AGAP1: variants seen among roughly 807,000 people sequenced by gnomAD.
AGAP1 encodes arf-GAP with GTPase, ANK repeat and PH domain-containing protein 1.
A neutral mutation model predicts 105.3 loss-of-function variants in AGAP1; 29 were observed. The observed-to-expected ratio is 0.28, with a 90% CI of 0.21 to 0.38. The LOEUF is 0.38. Among genes scored for constraint, AGAP1 ranks in the 10% least tolerant of loss-of-function variants. The pLI, the probability that AGAP1 is intolerant of heterozygous loss-of-function variation, is 1.00. For synonymous variants in AGAP1, 509 were observed against 485.9 expected (o/e 1.05, Z -0.63); for missense variants, 998 against 1,165.1 (o/e 0.86, Z 2.09).
intron 9 of AGAP1, among the ~76,000 whole-genome samples, chr2:235,859,248 C>T (rs1440213349): frequency 1.3e-5 from 2 of 151,978 alleles, no homozygotes; most frequent in Non-Finnish European, 2.9e-5. Flanking sequence ...ACTCCCTCTC[C>T]ACCCATAAGA....
Position 236,044,563 on chromosome 2 carries a change from A to G in AGAP1, c.1891+3722A>G, listed in dbSNP as rs931885285. Among the ~76,000 whole-genome samples the G allele has an allele frequency of 1.3e-5, 2 of 151,922 alleles. No individual in the cohort carries two copies. Among genetic ancestry groups the G allele is most frequent in the African/African-American group, 4.8e-5 (2 of 41,298 alleles). ...TTTCTCATGTCTAGAATCCTGCCTT[A>G]TTTCCCTTTGTGAACCCCAGGCCTG... is the stretch of plus-strand genomic sequence containing the variant. On this transcript the variant is annotated intron_variant, in intron 15 of 17. Coordinates refer to ENST00000304032, the MANE Select transcript of AGAP1 (RefSeq NM_001037131.3). This position sits in a 1 kb window ranked among gnomAD's most constrained non-coding sequence, Gnocchi z 5.7.
chr2:235,952,848 T>A (rs2053796345), intron 12 of AGAP1, among the ~76,000 whole-genome samples: 1 of 152,024 alleles, frequency 6.6e-6, no homozygotes, highest in Non-Finnish European at 1.5e-5. Context: ...GGCCTTCTGT[T>A]CAGGGTCACT....
At chr2:236,039,677 CAG>C (rs1332827027) in intron 14 of AGAP1, among the ~76,000 whole-genome samples, 2 of 152,104 alleles carry the variant, frequency 1.3e-5, no homozygotes, top group South Asian at 4.1e-4. Flanking sequence ...ATGATGATGT[CAG>C]AGAGTATGTG....
intron 1 of AGAP1, among the ~76,000 whole-genome samples, chr2:235,679,113 G>C (rs1171927050): frequency 6.6e-6 from 1 of 152,230 alleles, no homozygotes; most frequent in Admixed American, 6.5e-5. Flanking sequence ...GCCACATGGA[G>C]AAAGCACAGT....
At chr2:235,587,755 TAAAAA>T (rs35736390) in intron 1 of AGAP1, among the ~76,000 whole-genome samples, 2 of 145,344 alleles carry the variant, frequency 1.4e-5, no homozygotes, top group African/African-American at 5.0e-5. Flanking sequence ...AACTCCGCCT[TAAAAA>T]AAAAAAAAGT....
chr2:235,627,192 GTTTT>G (rs36086999), intron 1 of AGAP1, among the ~76,000 whole-genome samples: 11 of 95,588 alleles, frequency 1.2e-4, no homozygotes, highest in Middle Eastern at 8.3e-3. Context: ...CTGTTTTGAG[GTTTT>G]TTTTTTTTTT....
At position 235,882,227 on chromosome 2, in the gene AGAP1, C is replaced by T. The variant is rs2050060621; in HGVS notation, c.1051-1118C>T. On this transcript the variant is annotated intron_variant, in intron 9 of 17. Coordinates refer to ENST00000304032, the MANE Select transcript of AGAP1 (RefSeq NM_001037131.3). This position sits in a 1 kb window ranked among gnomAD's most constrained non-coding sequence, Gnocchi z 4.6. ...TTGGGGGTGGTCCTTCAGAGACCCA[C>T]AGGCCAGTGGCATCGGTGCAGAGTG... 2.5e-6 allele frequency: 1 copy of T among 406,232 alleles called. No individual in the cohort carries two copies. Among genetic ancestry groups the T allele is most frequent in the Non-Finnish European group, 4.6e-6 (1 of 218,602 alleles). 25.2% of individuals were successfully genotyped at this position (406,232 alleles called of 1,614,324 possible). A position where few individuals can be genotyped will look rare whatever the true frequency, so the allele number is the denominator to read the frequency against.
chr2:235,519,522 C>A (rs939151003), intron 1 of AGAP1, among the ~76,000 whole-genome samples: 2 of 152,050 alleles, frequency 1.3e-5, no homozygotes, highest in African/African-American at 2.4e-5. Context: ...ATAGAAAATA[C>A]AGAATTTTCT....
intron 9 of AGAP1, among the ~76,000 whole-genome samples, chr2:235,871,922 T>A (rs544101946): frequency 2.0e-5 from 3 of 152,268 alleles, no homozygotes; most frequent in Admixed American, 2.0e-4. Flanking sequence ...CCACGAAGTG[T>A]GGTTCAATGG....
rs963680421 is a variant in AGAP1 at position 235,596,240 on chromosome 2, G to GA, written c.163+101392dup. Among the ~76,000 whole-genome samples the GA allele has an allele frequency of 4.6e-5, 7 of 152,210 alleles. No homozygotes were observed. Among genetic ancestry groups the GA allele is most frequent in the African/African-American group, 1.7e-4 (7 of 41,444 alleles). ...TAAACGGAGTCAGAACCCGGCCATG[G>GA]ATGTGTATTCACTGTTATTTAACAG... On this transcript the variant is annotated intron_variant, in intron 1 of 17. Coordinates refer to ENST00000304032, the MANE Select transcript of AGAP1 (RefSeq NM_001037131.3). The surrounding 1 kb of genome is among the most constrained non-coding windows in gnomAD (Gnocchi z 5.9).
intron 6 of AGAP1, among the ~76,000 whole-genome samples, chr2:235,767,710 G>A (rs2149823961): frequency 6.6e-6 from 1 of 152,162 alleles, no homozygotes; most frequent in East Asian, 1.9e-4. Context: ...AGTGGGCTGG[G>A]GGCACAGCAC....
Position 236,126,255 on chromosome 2 carries a change from T to A in AGAP1, c.*2133T>A, listed in dbSNP as rs557471948. ...AGTCTGCGTTTCATCACTGTGTAGC[T>A]ATTGTAAATGTGAATAGAAAAAAAC... On this transcript the variant is annotated 3_prime_UTR_variant, in exon 18 of 18. Coordinates refer to ENST00000304032, the MANE Select transcript of AGAP1 (RefSeq NM_001037131.3). 7.4e-4 allele frequency: 112 copies of A among 152,302 alleles called. No individual in the cohort carries two copies. Among genetic ancestry groups the A allele is most frequent in the African/African-American group, 2.3e-3 (94 of 41,556 alleles). The allele number at this position is 152,302 out of a possible 1,614,324, so 9.4% of individuals were successfully genotyped here. A position where few individuals can be genotyped will look rare whatever the true frequency, so the allele number is the denominator to read the frequency against.
At position 236,126,278 on chromosome 2, in the gene AGAP1, A is replaced by T. The variant is rs146283784; in HGVS notation, c.*2156A>T. 9.8e-5 allele frequency: 15 copies of T among 152,302 alleles called. No individual in the cohort carries two copies. The East Asian group carries it at 2.9e-3, about 29-fold the overall frequency. The allele number at this position is 152,302 out of a possible 1,614,324, so 9.4% of individuals were successfully genotyped here. On this transcript the variant is annotated 3_prime_UTR_variant, in exon 18 of 18. Transcript: ENST00000304032. ...GCTATTGTAAATGTGAATAGAAAAA[A>T]ACAGGTCATTGCCTATTTTTGAAGA...
At chr2:235,707,809 G>A (rs1324924148) in intron 1 of AGAP1, among the ~76,000 whole-genome samples, 6 of 149,594 alleles carry the variant, frequency 4.0e-5, no homozygotes, top group African/African-American at 1.5e-4. Flanking sequence ...GGTGGGACAT[G>A]CTCCTCATTT....
chr2:235,799,258 A>G lies in AGAP1; in HGVS notation c.802-109A>G. 1 of 1,292,472 alleles carries G rather than the reference A, an allele frequency of 7.7e-7. No individual in the cohort carries two copies. The highest frequency in any genetic ancestry group is 1.1e-6 in the Non-Finnish European group (1 of 922,460). The allele number at this position is 1,292,472 out of a possible 1,614,324, so 80.1% of individuals were successfully genotyped here. ...AGACGCAAGTCAGCCATTCCCATGCATCCCTTCCATGGGGCTCATGCTCAC... is the reference window on the plus strand; with the variant it reads ...AGACGCAAGTCAGCCATTCCCATGCGTCCCTTCCATGGGGCTCATGCTCAC... On this transcript the variant is annotated intron_variant, in intron 7 of 17. Coordinates refer to ENST00000304032, the MANE Select transcript of AGAP1 (RefSeq NM_001037131.3). This position sits in a 1 kb window ranked among gnomAD's most constrained non-coding sequence, Gnocchi z 5.0.
At chr2:235,821,111 G>T (rs967409131) in intron 9 of AGAP1, among the ~76,000 whole-genome samples, 4 of 152,188 alleles carry the variant, frequency 2.6e-5, no homozygotes, top group Admixed American at 6.5e-5. Flanking sequence ...GTAAAACAGT[G>T]TGTATAGCAG....
intron 1 of AGAP1, among the ~76,000 whole-genome samples, chr2:235,558,134 G>C (rs576928586): frequency 1.9e-4 from 29 of 152,290 alleles, no homozygotes; most frequent in African/African-American, 5.8e-4. Flanking sequence ...CTTTCTGTGT[G>C]CCTGGCCCCG....
chr2:235,867,574 T>C lies in AGAP1; in HGVS notation c.1051-15771T>C, dbSNP rs116173920. ...GTGTGTGTGTGTGTGTGTGTGTGTG[T>C]GCAAGTGAGGGAGGGTGACCCCCAC... On this transcript the variant is annotated intron_variant, in intron 9 of 17. Coordinates refer to ENST00000304032, the MANE Select transcript of AGAP1 (RefSeq NM_001037131.3). This position sits in a 1 kb window ranked among gnomAD's most constrained non-coding sequence, Gnocchi z 5.4. 2.2e-3 allele frequency among the ~76,000 whole-genome samples: 324 copies of C among 147,698 alleles called. 4 individuals carry two copies. The highest frequency in any genetic ancestry group is 0.015 in the Middle Eastern group (4 of 274).
chr2:235,773,809 C>T (rs1955644879), intron 6 of AGAP1: 1 of 393,484 alleles, frequency 2.5e-6, no homozygotes, highest in South Asian at 2.0e-5. Context: ...AGTTGAGTGC[C>T]CTTTGTTTTC....
Sources: allele counts gnomAD v4.1 joint callset (sites outside exome capture counted in the v4.1 genomes callset), GRCh38; gene constraint gnomAD v4.1.1; non-coding constraint Gnocchi (gnomAD v3.1); transcripts MANE v1.5; gene names NCBI Gene and HGNC (gene_info 2026-07-23, HGNC 2026-07-21).